The following LRFN2 variants were observed in gnomAD, a reference collection of about 807,000 sequenced individuals.
LRFN2 encodes the protein leucine rich repeat and fibronectin type III domain containing 2.
Under a neutral mutation model 37.3 loss-of-function variants are expected in LRFN2, and 18 were observed. That is an observed-to-expected ratio of 0.48 (90% CI 0.33 to 0.72). The LOEUF is 0.72. LRFN2 is among the 30% of genes least tolerant of loss of function. The pLI, the probability that LRFN2 is intolerant of heterozygous loss-of-function variation, is 0.02. For synonymous variants in LRFN2, 556 were observed against 466.6 expected (o/e 1.19, Z -2.47); for missense variants, 1,006 against 1,060.7 (o/e 0.95, Z 0.72).
At chr6:40,420,124 T>G (rs1193824600) in intron 2 of LRFN2, among the ~76,000 whole-genome samples, 1 of 152,202 alleles carries the variant, frequency 6.6e-6, no homozygotes, top group Non-Finnish European at 1.5e-5. Flanking sequence ...GGAGCCCACC[T>G]TTGGAGCCCA....
rs182824565 is a variant in LRFN2 at position 40,534,065 on chromosome 6, C to T, written c.-19+52876G>A. Reference sequence around the variant, plus strand: ...ATGAGAAAACTTAGGGACAGAGAGACTAAGTAGCTTGCCCACAGGGACACA... The same window carrying T: ...ATGAGAAAACTTAGGGACAGAGAGATTAAGTAGCTTGCCCACAGGGACACA... On this transcript the variant is annotated intron_variant, in intron 1 of 2. Coordinates refer to ENST00000338305, the MANE Select transcript of LRFN2 (RefSeq NM_020737.3). Among the ~76,000 whole-genome samples the T allele has an allele frequency of 3.9e-5, 6 of 152,332 alleles. No homozygotes were observed. In the East Asian group the frequency reaches 1.2e-3, roughly 29 times the overall value.
intron 1 of LRFN2, among the ~76,000 whole-genome samples, chr6:40,449,752 G>T (rs1199067462): frequency 6.6e-6 from 1 of 152,036 alleles, no homozygotes; most frequent in Non-Finnish European, 1.5e-5. Context: ...ATAGTATAAA[G>T]AGTTTCTATA....
At chr6:40,472,982 C>T (rs538108148) in intron 1 of LRFN2, among the ~76,000 whole-genome samples, 2 of 152,114 alleles carry the variant, frequency 1.3e-5, no homozygotes, top group East Asian at 1.9e-4. Context: ...CTGGCTGTTT[C>T]GGAAATGGGT....
intron 1 of LRFN2, among the ~76,000 whole-genome samples, chr6:40,570,113 T>C (rs114910169): frequency 0.014 from 2,078 of 152,272 alleles, 16 homozygotes; most frequent in Non-Finnish European, 0.019. Flanking sequence ...GTGTTTGTTA[T>C]AGCCCCCCAG....
chr6:40,510,798 T>G (rs1456208138), intron 1 of LRFN2, among the ~76,000 whole-genome samples: 3 of 152,162 alleles, frequency 2.0e-5, no homozygotes, highest in Non-Finnish European at 2.9e-5. Flanking sequence ...GCAGGCAGAA[T>G]GCAGGGAGCA....
In LRFN2 at chr6:40,536,291, ACAGCCCCGTCCTCAGGGAGCCC is replaced by A. The variant is rs538569602; in HGVS notation, c.-19+50628_-19+50649del. Among the ~76,000 whole-genome samples the A allele has an allele frequency of 2.1e-4, 32 of 151,984 alleles. 2 individuals are homozygous for A. The South Asian group carries it at 6.4e-3, about 31-fold the overall frequency. On this transcript the variant is annotated intron_variant, in intron 1 of 2. Coordinates refer to ENST00000338305, the MANE Select transcript of LRFN2 (RefSeq NM_020737.3). The stretch of plus-strand genomic sequence containing the variant: ...CAGGGAGCCCCACTCTGAGGGAGAC[ACAGCCCCGTCCTCAGGGAGCCC>A]CAGTCTGAATGGGAAGAAATAATCC...
At chr6:40,565,905 A>T (rs1163798966) in intron 1 of LRFN2, among the ~76,000 whole-genome samples, 1 of 152,084 alleles carries the variant, frequency 6.6e-6, no homozygotes, top group Admixed American at 6.5e-5. Context: ...TAAACTAAAG[A>T]GCTTCTGCAC....
intron 1 of LRFN2, chr6:40,501,910 C>T (rs1474329803): frequency 2.0e-5 from 3 of 152,160 alleles, no homozygotes; most frequent in African/African-American, 7.2e-5. Flanking sequence ...GAACATTCCA[C>T]CTTGTTGATG....
chr6:40,545,307 G>T (rs1004318679), intron 1 of LRFN2, among the ~76,000 whole-genome samples: 1 of 152,200 alleles, frequency 6.6e-6, no homozygotes, highest in East Asian at 1.9e-4. Context: ...TGGGTCCCTG[G>T]ACACAGAATG....
intron 1 of LRFN2, among the ~76,000 whole-genome samples, chr6:40,566,745 G>A (rs1767097383): frequency 6.6e-6 from 1 of 151,336 alleles, no homozygotes; most frequent in South Asian, 2.1e-4. Flanking sequence ...GGGGTGGGGG[G>A]AGAGGGGAGG....
chr6:40,534,167 A>C (rs987014013), intron 1 of LRFN2, among the ~76,000 whole-genome samples: 23 of 152,218 alleles, frequency 1.5e-4, no homozygotes, highest in African/African-American at 5.1e-4. Flanking sequence ...CCAGGGGGCC[A>C]GGAACACTGA....
At chr6:40,580,303 C>T (rs138437291) in intron 1 of LRFN2, among the ~76,000 whole-genome samples, 31 of 152,238 alleles carry the variant, frequency 2.0e-4, no homozygotes, top group African/African-American at 7.2e-4. Context: ...AGACTGAGAG[C>T]CAGGAAGGAA....
At chr6:40,544,521 G>T (rs1766619213) in intron 1 of LRFN2, among the ~76,000 whole-genome samples, 1 of 152,174 alleles carries the variant, frequency 6.6e-6, no homozygotes, top group South Asian at 2.1e-4. Flanking sequence ...ACAGACGTTT[G>T]CTTCCAAAGC....
At chr6:40,536,885 A>C (rs1054553212) in intron 1 of LRFN2, among the ~76,000 whole-genome samples, 5 of 152,214 alleles carry the variant, frequency 3.3e-5, no homozygotes, top group African/African-American at 1.2e-4. Context: ...TCTTCATCTA[A>C]AGGTGCCATT....
chr6:40,565,494 G>A (rs1450246189), intron 1 of LRFN2, among the ~76,000 whole-genome samples: 1 of 152,152 alleles, frequency 6.6e-6, no homozygotes, highest in Non-Finnish European at 1.5e-5. Context: ...ATACTACAAG[G>A]CTACAGTAAC....
intron 2 of LRFN2, among the ~76,000 whole-genome samples, chr6:40,417,970 A>G (rs1481667072): frequency 6.6e-6 from 1 of 152,194 alleles, no homozygotes; most frequent in Non-Finnish European, 1.5e-5. Flanking sequence ...TCCAACCAGC[A>G]GCAGAATCTT....
Position 40,392,248 on chromosome 6 carries a change from G to A in LRFN2, c.2065C>T (p.Arg689Trp), listed in dbSNP as rs751316151. The change falls in exon 3 of 3, where the codon CGG (arginine) becomes TGG (tryptophan). Residue 689 changes from arginine to tryptophan, a missense_variant. Physicochemically the swap from Arg to Trp is moderately radical, Grantham distance 101. This residue lies in a region of LRFN2 where 398 missense variants were observed against 327.6 expected (regional missense o/e 1.21). Transcript: ENST00000338305. The surrounding 1 kb of genome is among the most constrained non-coding windows in gnomAD (Gnocchi z 4.7). ...PAGRGAGTSA[R>W]GHHSDREPLL... ...GGCTCTCGGTCCGAGTGGTGGCCCCGGGCCGACGTCCCAGCCCCTCTCCCG... is the reference window on the plus strand; with the variant it reads ...GGCTCTCGGTCCGAGTGGTGGCCCCAGGCCGACGTCCCAGCCCCTCTCCCG... The A allele has an allele frequency of 2.7e-5, 42 of 1,579,426 alleles. No individual in the cohort carries two copies. Among genetic ancestry groups the A allele is most frequent in the Middle Eastern group, 1.7e-4 (1 of 5,922 alleles).
chr6:40,577,785 GA>G (rs754240494), intron 1 of LRFN2, among the ~76,000 whole-genome samples: 5 of 73,764 alleles, frequency 6.8e-5, no homozygotes, highest in East Asian at 2.8e-4. Context: ...AAAAAAAAAG[GA>G]AAAAATAAAT....
intron 1 of LRFN2, among the ~76,000 whole-genome samples, chr6:40,508,314 G>A (rs924033130): frequency 2.6e-5 from 4 of 152,182 alleles, no homozygotes; most frequent in African/African-American, 9.7e-5. Context: ...TGCCCACTCT[G>A]GTCTCTCTCT....
Sources: allele counts gnomAD v4.1 joint callset (sites outside exome capture counted in the v4.1 genomes callset), GRCh38; gene constraint gnomAD v4.1.1; regional missense constraint gnomAD v4.1.1; non-coding constraint Gnocchi (gnomAD v3.1); transcripts MANE v1.5; gene names NCBI Gene and HGNC (gene_info 2026-07-23, HGNC 2026-07-21).